The following LRMDA variants were observed in gnomAD, a reference collection of about 807,000 sequenced individuals.
The protein encoded by LRMDA is leucine rich melanocyte differentiation associated, also known as leucine-rich melanocyte differentiation-associated protein.
In LRMDA, 18 loss-of-function variants were observed where a neutral mutation model predicts 29.8. That is an observed-to-expected ratio of 0.60 (90% CI 0.42 to 0.90). The LOEUF (loss-of-function observed/expected upper bound fraction) is 0.90, where lower values mean the gene tolerates loss of function less well. LRMDA is among the 40% of genes least tolerant of loss of function. The pLI is 0.00. For synonymous variants in LRMDA, 125 were observed against 109.4 expected (o/e 1.14, Z -0.89); for missense variants, 273 against 273.9 (o/e 1.00, Z 0.02).
chr10:75,641,895 A>T lies in LRMDA; in HGVS notation c.131+203401A>T, dbSNP rs528278525. Among the ~76,000 whole-genome samples, 8 of 150,358 alleles carry T rather than the reference A, an allele frequency of 5.3e-5. No individual in the cohort carries two copies. In the South Asian group the frequency reaches 1.7e-3, roughly 31 times the overall value. On this transcript the variant is annotated intron_variant, in intron 2 of 6. Transcript: ENST00000611255. ...GACCCCTACCTCTTAAAAAAAGAAG[A>T]AAGATAAATATTCTTTGTCAGGCCA...
chr10:76,401,155 A>G (rs766806092), intron 6 of LRMDA, among the ~76,000 whole-genome samples: 6 of 152,122 alleles, frequency 3.9e-5, no homozygotes, highest in Non-Finnish European at 2.9e-5. Flanking sequence ...TTGAGCTTCC[A>G]ATATAATGAC....
chr10:75,438,551 CT>C, intron 2 of LRMDA, 57 bp downstream of exon 2: 1 of 1,336,944 alleles, frequency 7.5e-7, no homozygotes, highest in Non-Finnish European at 1.0e-6. Context: ...CTCCTGGGTA[CT>C]TTAGGGCCAA....
chr10:75,670,043 A>G (rs1176370529), intron 2 of LRMDA, among the ~76,000 whole-genome samples: 1 of 152,220 alleles, frequency 6.6e-6, no homozygotes, highest in Non-Finnish European at 1.5e-5. Flanking sequence ...ATTCATTGAA[A>G]GCAAATGTCT....
intron 2 of LRMDA, among the ~76,000 whole-genome samples, chr10:75,843,560 G>T (rs1844578999): frequency 6.6e-6 from 1 of 152,184 alleles, no homozygotes; most frequent in Admixed American, 6.5e-5. Flanking sequence ...TGATAATAAT[G>T]ATTATCAGAC....
At chr10:75,926,642 G>T (rs1488732628) in intron 2 of LRMDA, among the ~76,000 whole-genome samples, 3 of 152,200 alleles carry the variant, frequency 2.0e-5, no homozygotes, top group African/African-American at 7.2e-5. Flanking sequence ...TGGCAGTTTG[G>T]GATTGCTCCC....
At chr10:76,446,802 G>A (rs1246321235) in intron 6 of LRMDA, among the ~76,000 whole-genome samples, 2 of 152,186 alleles carry the variant, frequency 1.3e-5, no homozygotes, top group African/African-American at 2.4e-5. Flanking sequence ...CTGGGAAGTG[G>A]CACATGTTAA....
rs80278271 is a variant in LRMDA at position 76,192,068 on chromosome 10, G to A, written c.517-132333G>A. Among the ~76,000 whole-genome samples the A allele has an allele frequency of 3.9e-5, 6 of 152,262 alleles. No individual in the cohort carries two copies. The East Asian group carries it at 1.2e-3, about 29-fold the overall frequency. On this transcript the variant is annotated intron_variant, in intron 5 of 6. Transcript: ENST00000611255. ...GGGTCGTCTAGTCCTTTGTGTAAGT[G>A]TGAAAAACTTGTTGGCATTGGATAG...
intron 6 of LRMDA, among the ~76,000 whole-genome samples, chr10:76,524,651 G>A (rs1338060473): frequency 6.6e-6 from 1 of 152,160 alleles, no homozygotes; most frequent in African/African-American, 2.4e-5. Flanking sequence ...GGTGTCCAAT[G>A]ACTTCGAATA....
At position 75,513,697 on chromosome 10, in the gene LRMDA, G is replaced by C. The variant is rs77432919; in HGVS notation, c.131+75203G>C. ...AGGCTGCTAGCATTTTTTGGCTCTC[G>C]GCCCGGTGTCACTCCAACCTCCGTT... is the stretch of plus-strand genomic sequence containing the variant. On this transcript the variant is annotated intron_variant, in intron 2 of 6. Coordinates refer to ENST00000611255, the MANE Select transcript of LRMDA (RefSeq NM_001305581.2). Among the ~76,000 whole-genome samples, 464 of 152,062 alleles carry C rather than the reference G, an allele frequency of 3.1e-3. 4 individuals are homozygous for C. The highest frequency in any genetic ancestry group is 0.011 in the African/African-American group (450 of 41,464).
intron 2 of LRMDA, among the ~76,000 whole-genome samples, chr10:75,453,392 A>G (rs1844481420): frequency 6.6e-6 from 1 of 152,152 alleles, no homozygotes; most frequent in African/African-American, 2.4e-5. Flanking sequence ...GCTTCTTTTC[A>G]TTTTTATTCC....
intron 6 of LRMDA, among the ~76,000 whole-genome samples, chr10:76,453,490 G>T (rs183822191): frequency 2.6e-5 from 4 of 152,252 alleles, no homozygotes; most frequent in African/African-American, 9.6e-5. Flanking sequence ...CTTTGAGGGG[G>T]CTATGATAAG....
intron 2 of LRMDA, among the ~76,000 whole-genome samples, chr10:75,797,851 T>G (rs1843679614): frequency 6.6e-6 from 1 of 152,206 alleles, no homozygotes; most frequent in Non-Finnish European, 1.5e-5. Context: ...TTGACATATA[T>G]TTCACTTCAT....
chr10:76,555,808 C>G (rs1358803589), intron 6 of LRMDA, among the ~76,000 whole-genome samples: 2 of 146,268 alleles, frequency 1.4e-5, no homozygotes, highest in African/African-American at 5.2e-5. Flanking sequence ...TGGTTTCACA[C>G]TATCACACTG....
At chr10:75,906,540 C>T (rs976160689) in intron 2 of LRMDA, among the ~76,000 whole-genome samples, 14 of 152,096 alleles carry the variant, frequency 9.2e-5, no homozygotes, top group African/African-American at 3.1e-4. Flanking sequence ...CTGGGATTAA[C>T]GAAAAAAGCA....
At chr10:76,123,527 C>A (rs573498469) in intron 5 of LRMDA, among the ~76,000 whole-genome samples, 76 of 152,110 alleles carry the variant, frequency 5.0e-4, no homozygotes, top group African/African-American at 1.7e-3. Context: ...AAAACAAAAA[C>A]AAAACAAGTC....
intron 2 of LRMDA, among the ~76,000 whole-genome samples, chr10:75,912,789 G>A (rs957299278): frequency 6.6e-6 from 1 of 152,110 alleles, no homozygotes; most frequent in African/African-American, 2.4e-5. Flanking sequence ...GAAGAAGCAG[G>A]AATAATATAT....
rs140834929 is a variant in LRMDA, at chr10:76,343,253, T to C, written c.601+18768T>C. 4.9e-3 allele frequency among the ~76,000 whole-genome samples: 750 copies of C among 152,298 alleles called. 6 individuals carry two copies. The highest frequency in any genetic ancestry group is 0.017 in the African/African-American group (724 of 41,558). ...AAGAAGTACTTCCAAATTTCTTTTGTGAAGTACATAAGGCCTTTACAGAAA... is the reference window on the plus strand; with the variant it reads ...AAGAAGTACTTCCAAATTTCTTTTGCGAAGTACATAAGGCCTTTACAGAAA... On this transcript the variant is annotated intron_variant, in intron 6 of 6. Transcript: ENST00000611255.
At chr10:75,711,446 T>A (rs1208645757) in intron 2 of LRMDA, among the ~76,000 whole-genome samples, 1 of 152,184 alleles carries the variant, frequency 6.6e-6, no homozygotes, top group African/African-American at 2.4e-5. Context: ...TAGTTACAAT[T>A]CCCTGTTTTT....
chr10:76,206,820 G>A (rs1266316022), intron 5 of LRMDA, among the ~76,000 whole-genome samples: 2 of 152,174 alleles, frequency 1.3e-5, no homozygotes, highest in Non-Finnish European at 2.9e-5. Flanking sequence ...ACTGAGGTTG[G>A]TTCCCTGTGG....
Sources: gnomAD v4.1 joint callset for allele counts (sites outside exome capture counted in the v4.1 genomes callset) on GRCh38, gnomAD v4.1.1 for gene constraint, MANE v1.5 for transcripts, NCBI Gene and HGNC (gene_info 2026-07-23, HGNC 2026-07-21) for gene names.